Variants in PRRC1 observed in about 807,000 individuals in gnomAD.
The protein encoded by PRRC1 is protein PRRC1.
PRRC1 carries 39 observed loss-of-function variants against 40.7 expected under a neutral mutation model. The ratio of observed to expected loss-of-function variants is 0.96; its 90% CI spans 0.74 to 1.25. The LOEUF is 1.25. Among genes scored for constraint, PRRC1 ranks in the 50% most tolerant of loss-of-function variants. The pLI is 0.00. For missense variants in PRRC1, 573 were observed against 548.3 expected (o/e 1.05, Z -0.45); for synonymous variants, 175 against 193.3 (o/e 0.91, Z 0.79).
Position 127,553,797 on chromosome 5 carries a change from A to G in PRRC1, c.*1881A>G. The G allele has an allele frequency of 6.5e-7, 1 of 1,535,372 alleles. No homozygotes were observed. Among genetic ancestry groups the G allele is most frequent in the East Asian group, 2.4e-5 (1 of 40,906 alleles). ...ATCACAAATACTGACATTTCATTAG[A>G]TGATTATTTTCCTAGAATCCCCAAA... On this transcript the variant is annotated 3_prime_UTR_variant, in exon 9 of 9. Transcript: ENST00000296666.
intron 4 of PRRC1, among the ~76,000 whole-genome samples, chr5:127,528,142 T>G (rs553375153): frequency 5.1e-4 from 77 of 152,344 alleles, no homozygotes; most frequent in African/African-American, 1.9e-3. Flanking sequence ...TCTTTTCTTA[T>G]GAATTTGTAA....
In PRRC1 at chr5:127,540,228, AT is replaced by A. The variant is rs796980060; in HGVS notation, c.1025+1094del. 6.4e-4 allele frequency among the ~76,000 whole-genome samples: 97 copies of A among 151,466 alleles called. No individual in the cohort carries two copies. The East Asian group carries it at 7.6e-3, about 12-fold the overall frequency. ...GAAACCGTCCAGTGATTGTTGTGTC[AT>A]TTTTTTTTATTAACCTGTTACTGTT... On this transcript the variant is annotated intron_variant, in intron 7 of 8. Transcript: ENST00000296666.
At position 127,553,615 on chromosome 5, in the gene PRRC1, C is replaced by T. The variant is rs1768449050; in HGVS notation, c.*1699C>T. The T allele has an allele frequency of 7.3e-7, 1 of 1,369,742 alleles. No homozygotes were observed. The allele number at this position is 1,369,742 out of a possible 1,614,324, so 84.8% of individuals were successfully genotyped here. A position where few individuals can be genotyped will look rare whatever the true frequency, so the allele number is the denominator to read the frequency against. On this transcript the variant is annotated 3_prime_UTR_variant, in exon 9 of 9. Coordinates refer to ENST00000296666, the MANE Select transcript of PRRC1 (RefSeq NM_130809.5). Reference sequence around the variant, plus strand: ...GACAACAACAGTCTTTCATTACAGACTGAAGGGAAGCATGTCCTTACTTAA... The same window carrying T: ...GACAACAACAGTCTTTCATTACAGATTGAAGGGAAGCATGTCCTTACTTAA...
intron 8 of PRRC1, 103 bp from the exon 9 acceptor site, chr5:127,551,604 C>G: frequency 8.3e-7 from 1 of 1,207,242 alleles, no homozygotes; most frequent in East Asian, 2.6e-5. Context: ...TTGTCATAAT[C>G]TATATTTAAA....
At chr5:127,543,844 T>C (rs1490119613) in intron 7 of PRRC1, among the ~76,000 whole-genome samples, 1 of 152,254 alleles carries the variant, frequency 6.6e-6, no homozygotes, top group Non-Finnish European at 1.5e-5. Flanking sequence ...CGGAGTAGTT[T>C]GATCATCTGA....
chr5:127,526,214 A>G (rs1470890706), intron 3 of PRRC1, among the ~76,000 whole-genome samples: 2 of 152,210 alleles, frequency 1.3e-5, no homozygotes, highest in Non-Finnish European at 2.9e-5. Flanking sequence ...GTCTATGTAT[A>G]TGTGAATTTT....
intron 8 of PRRC1, 87 bp from the exon 9 acceptor site, chr5:127,551,620 A>G: frequency 7.4e-7 from 1 of 1,350,304 alleles, no homozygotes; most frequent in Non-Finnish European, 1.0e-6. Flanking sequence ...TTAAAATAAC[A>G]TGAAACACTT....
intron 7 of PRRC1, among the ~76,000 whole-genome samples, chr5:127,545,350 C>A (rs553909667): frequency 6.6e-6 from 1 of 151,920 alleles, no homozygotes; most frequent in Non-Finnish European, 1.5e-5. Context: ...ATGTTTATTG[C>A]GGCACTATTC....
At position 127,544,257 on chromosome 5, in the gene PRRC1, G is replaced by A. The variant is rs190455093; in HGVS notation, c.1026-3562G>A. Among the ~76,000 whole-genome samples the A allele has an allele frequency of 4.5e-3, 690 of 152,286 alleles. 4 individuals carry two copies. The highest frequency in any genetic ancestry group is 0.015 in the African/African-American group (642 of 41,546). The stretch of plus-strand genomic sequence containing the variant: ...AAGTTTTGTCTCAGAGGAGTACCCG[G>A]CCAGCCGTGTGAGGTGTCAGTCTGA... On this transcript the variant is annotated intron_variant, in intron 7 of 8. Transcript: ENST00000296666.
chr5:127,538,624 ATTGCC>A (rs1767958558), intron 6 of PRRC1, among the ~76,000 whole-genome samples: 1 of 152,088 alleles, frequency 6.6e-6, no homozygotes, highest in Non-Finnish European at 1.5e-5. Context: ...TATTGATATG[ATTGCC>A]TACCTGAAAA....
rs1384473332 is a variant in PRRC1 at position 127,541,314 on chromosome 5, A to C, written c.1025+2171A>C. Among the ~76,000 whole-genome samples, 3 of 152,270 alleles carry C rather than the reference A, an allele frequency of 2.0e-5. No homozygotes were observed. In the East Asian group the frequency reaches 5.8e-4, roughly 29 times the overall value. On this transcript the variant is annotated intron_variant, in intron 7 of 8. Transcript: ENST00000296666. Reference sequence around the variant, plus strand: ...AGGATTCTTGCATCCATGTTCATCAAGGATATTGGTCTAAAATTCTCTTTT... The same window carrying C: ...AGGATTCTTGCATCCATGTTCATCACGGATATTGGTCTAAAATTCTCTTTT...
In PRRC1 at chr5:127,520,332, C is replaced by T. The variant is rs112185544; in HGVS notation, c.-21+2556C>T. On this transcript the variant is annotated intron_variant, in intron 1 of 8. Coordinates refer to ENST00000296666, the MANE Select transcript of PRRC1 (RefSeq NM_130809.5). ...CTACTTCTATATCTTCCTTAATGGC[C>T]TGTCTGCATCTGCTCTGTCTGCCCA... Among the ~76,000 whole-genome samples, 1,086 of 152,286 alleles carry T rather than the reference C, an allele frequency of 7.1e-3. 11 individuals are homozygous for T. Among genetic ancestry groups the T allele is most frequent in the African/African-American group, 0.025 (1,029 of 41,540 alleles).
intron 8 of PRRC1, chr5:127,550,853 G>T (rs1768358678): frequency 6.6e-6 from 1 of 152,194 alleles, no homozygotes; most frequent in Non-Finnish European, 1.5e-5. Flanking sequence ...GCATCAGATT[G>T]ACTTGGAAGC....
At chr5:127,544,852 C>T (rs1580949336) in intron 7 of PRRC1, among the ~76,000 whole-genome samples, 1 of 152,334 alleles carries the variant, frequency 6.6e-6, no homozygotes, top group Admixed American at 6.5e-5. Context: ...CAATGCCTCA[C>T]CCTGCTTCGG....
intron 5 of PRRC1, among the ~76,000 whole-genome samples, chr5:127,532,191 C>G (rs895429570): frequency 2.0e-5 from 3 of 151,802 alleles, no homozygotes; most frequent in African/African-American, 7.3e-5. Context: ...TCACTGCAAC[C>G]TCTGCCTCCT....
Position 127,524,877 on chromosome 5 carries a change from C to T in PRRC1, c.450C>T (p.Pro150=). 1.2e-6 allele frequency: 2 copies of T among 1,613,680 alleles called. No individual in the cohort carries two copies. The highest frequency in any genetic ancestry group is 1.7e-6 in the Non-Finnish European group (2 of 1,179,776). ...DITRGHAGRA[P]QTPLMPSFSA... ...CAAGGGGACATGCTGGGAGAGCTCC[C>T]CAGACACCCCTGATGCCATCATTTT... The change falls in exon 3 of 9, where the codon CCC becomes CCT. Residue 150 remains proline (P), a synonymous_variant. Coordinates refer to ENST00000296666, the MANE Select transcript of PRRC1 (RefSeq NM_130809.5).
intron 6 of PRRC1, 60 bp from the exon 7 acceptor site, chr5:127,538,979 AT>A: frequency 8.5e-7 from 1 of 1,178,142 alleles, no homozygotes; most frequent in Non-Finnish European, 1.2e-6. Flanking sequence ...GTAATCATAA[AT>A]TAGTATATTT....
intron 7 of PRRC1, among the ~76,000 whole-genome samples, chr5:127,546,181 G>A (rs894609397): frequency 4.6e-5 from 7 of 152,124 alleles, no homozygotes; most frequent in African/African-American, 1.7e-4. Flanking sequence ...CCTGTCTTCA[G>A]GTTCACTAAT....
At chr5:127,536,833 T>C (rs1448604606) in intron 6 of PRRC1, among the ~76,000 whole-genome samples, 2 of 152,008 alleles carry the variant, frequency 1.3e-5, no homozygotes, top group Non-Finnish European at 2.9e-5. Flanking sequence ...GAAACTAATA[T>C]ATAAGAAAGT....
Sources: allele counts gnomAD v4.1 joint callset (sites outside exome capture counted in the v4.1 genomes callset), GRCh38; gene constraint gnomAD v4.1.1; transcripts MANE v1.5; gene names NCBI Gene and HGNC (gene_info 2026-07-23, HGNC 2026-07-21).